BCL6: variants seen among roughly 807,000 people sequenced by gnomAD.
The protein encoded by BCL6 is BCL6 transcription repressor, also known as B-cell lymphoma 6 protein.
BCL6 carries 7 observed loss-of-function variants against 59.5 expected under a neutral mutation model. The ratio of observed to expected loss-of-function variants is 0.12; its 90% CI spans 0.07 to 0.22. The LOEUF is 0.22. Among genes scored for constraint, BCL6 ranks in the 10% least tolerant of loss-of-function variants. The pLI is 1.00. For missense variants in BCL6, 685 were observed against 939.4 expected (o/e 0.73, Z 3.54); for synonymous variants, 339 against 349.7 (o/e 0.97, Z 0.34).
At chr3:187,731,198 A>T (rs558054201) in intron 4 of BCL6, among the ~76,000 whole-genome samples, 2 of 152,338 alleles carry the variant, frequency 1.3e-5, no homozygotes, top group South Asian at 4.1e-4. Flanking sequence ...GCAGCGTGAC[A>T]TAAAAGGTGA....
chr3:187,727,017 C>T (rs1718740113), intron 6 of BCL6, 119 bp from the exon 7 acceptor site: 2 of 1,143,736 alleles, frequency 1.7e-6, no homozygotes, highest in African/African-American at 1.5e-5. Flanking sequence ...CCCTCACTCA[C>T]CCACCCGACA....
chr3:187,728,054 G>A (rs552940352), intron 6 of BCL6, among the ~76,000 whole-genome samples: 3 of 152,294 alleles, frequency 2.0e-5, no homozygotes, highest in African/African-American at 7.2e-5. Context: ...ATAGAGGAAT[G>A]GAGAAAGCTC....
intron 1 of BCL6, among the ~76,000 whole-genome samples, 169 bp downstream of exon 1, chr3:187,745,241 T>C (rs193041319): frequency 4.0e-5 from 6 of 151,862 alleles, no homozygotes; most frequent in South Asian, 4.2e-4. Flanking sequence ...TTTATATCAA[T>C]AGATACACAT....
rs148794355 is a variant in BCL6, at chr3:187,725,107, T to C, written c.1840-29A>G. 7.4e-6 allele frequency: 12 copies of C among 1,612,966 alleles called. No individual in the cohort carries two copies. The African/African-American group carries it at 1.6e-4, about 22-fold the overall frequency. The stretch of plus-strand genomic sequence containing the variant: ...AACGAAGAAGAAGGCATGAGAGGTC[T>C]TCTGGGGTGGGCTGCAGGCCTCTGG... On this transcript the variant is annotated intron_variant, in intron 8 of 9. Coordinates refer to ENST00000406870, the MANE Select transcript of BCL6 (RefSeq NM_001706.5). The surrounding 1 kb of genome is among the most constrained non-coding windows in gnomAD (Gnocchi z 4.7).
At chr3:187,743,816 C>T in intron 1 of BCL6, among the ~76,000 whole-genome samples, 1 of 151,808 alleles carries the variant, frequency 6.6e-6, no homozygotes, top group Admixed American at 6.6e-5. Flanking sequence ...GCCGCCGCCG[C>T]GCCTTCCCCC....
chr3:187,744,833 C>G (rs1423229696), intron 1 of BCL6, among the ~76,000 whole-genome samples: 1 of 152,006 alleles, frequency 6.6e-6, no homozygotes, highest in Admixed American at 6.5e-5. Context: ...AGTTTGCAAG[C>G]GAGAAAAGAG....
chr3:187,726,831 G>A lies in BCL6; in HGVS notation c.1608C>T (p.His536=). 5 of 1,614,246 alleles carry A rather than the reference G, an allele frequency of 3.1e-6. No individual in the cohort carries two copies. The highest frequency in any genetic ancestry group is 4.2e-6 in the Non-Finnish European group (5 of 1,180,046). Residue 536 remains histidine, a synonymous_variant, in exon 7 of 10, where the codon CAC becomes CAT. Transcript: ENST00000406870. ...RFSEEASLKR[H]TLQTHSDKPY... ...GTTTGTCACTGTGGGTCTGCAGCGT[G>A]TGCCTCTTGAGTGAGGCCTCCTCAG...
chr3:187,738,527 C>G (rs1294014265), intron 1 of BCL6, among the ~76,000 whole-genome samples: 2 of 152,210 alleles, frequency 1.3e-5, no homozygotes, highest in Admixed American at 6.5e-5. Context: ...CGGCAAAGGC[C>G]GGGGCCCCGA....
chr3:187,723,189 A>AT (rs1461500834), intron 9 of BCL6, among the ~76,000 whole-genome samples: 1 of 152,178 alleles, frequency 6.6e-6, no homozygotes, highest in African/African-American at 2.4e-5. Flanking sequence ...TCTAGGGTAA[A>AT]TTTTTTTAAA....
chr3:187,732,377 G>A, intron 3 of BCL6: 1 of 432,028 alleles, frequency 2.3e-6, no homozygotes. Context: ...TTAGAATTTG[G>A]CTATGAATGA....
chr3:187,745,294 A>G (rs1711896887), intron 1 of BCL6, 116 bp downstream of exon 1: 4 of 399,044 alleles, frequency 1.0e-5, no homozygotes, highest in African/African-American at 2.1e-5. Context: ...CGGAAAAAAA[A>G]AGAATTAAAA....
Position 187,731,777 on chromosome 3 carries a change from C to T in BCL6, c.315G>A (p.Val105=), listed in dbSNP as rs755756149. ...TCTGCAGGTACATAGCCGTGGCCATCACAGCCATGATGTTGCCCTCCCGCA... is the reference window on the plus strand; with the variant it reads ...TCTGCAGGTACATAGCCGTGGCCATTACAGCCATGATGTTGCCCTCCCGCA... ...LNLREGNIMA[V]MATAMYLQME... Residue 105 remains valine, a synonymous_variant, in exon 4 of 10, where the codon GTG becomes GTA. Coordinates refer to ENST00000406870, the MANE Select transcript of BCL6 (RefSeq NM_001706.5). The T allele has an allele frequency of 4.3e-6, 7 of 1,614,082 alleles. No homozygotes were observed. The highest frequency in any genetic ancestry group is 1.6e-4 in the Middle Eastern group (1 of 6,084).
chr3:187,737,338 C>T, intron 1 of BCL6: 1 of 98,934 alleles, frequency 1.0e-5, no homozygotes, highest in East Asian at 2.9e-4. Flanking sequence ...GAGAAGACAG[C>T]AGAAACGACA....
chr3:187,731,606 A>T, intron 4 of BCL6, 103 bp downstream of exon 4: 6 of 1,119,292 alleles, frequency 5.4e-6, no homozygotes, highest in Non-Finnish European at 6.5e-6. Flanking sequence ...GGGTTGCAGC[A>T]TATCATAGAG....
chr3:187,733,447 A>G lies in BCL6; in HGVS notation c.161+86T>C. ...AGCGAGACGTCATCCCAGATGCAGT[A>G]AAAGGCCCACATGTTCTGCCTTGCT... On this transcript the variant is annotated intron_variant, in intron 3 of 9. Coordinates refer to ENST00000406870, the MANE Select transcript of BCL6 (RefSeq NM_001706.5). 2.0e-6 allele frequency: 3 copies of G among 1,487,692 alleles called. No individual in the cohort carries two copies. The East Asian group carries it at 6.8e-5, about 34-fold the overall frequency. The allele number at this position is 1,487,692 out of a possible 1,614,324, so 92.2% of individuals were successfully genotyped here. A position where few individuals can be genotyped will look rare whatever the true frequency, so the allele number is the denominator to read the frequency against.
Position 187,725,232 on chromosome 3 carries a change from T to C in BCL6, c.1840-154A>G, listed in dbSNP as rs1410361968. Among the ~76,000 whole-genome samples, 2 of 151,972 alleles carry C rather than the reference T, an allele frequency of 1.3e-5. No individual in the cohort carries two copies. Among genetic ancestry groups the C allele is most frequent in the African/African-American group, 4.8e-5 (2 of 41,372 alleles). On this transcript the variant is annotated intron_variant, in intron 8 of 9. Coordinates refer to ENST00000406870, the MANE Select transcript of BCL6 (RefSeq NM_001706.5). This position sits in a 1 kb window ranked among gnomAD's most constrained non-coding sequence, Gnocchi z 4.7. ...GAGTGGGCCTTTCTGCTGCCCACTC[T>C]GCTCACCTGCCCACTCCTCTGCTCA...
intron 2 of BCL6, chr3:187,734,369 C>T (rs1421614854): frequency 6.5e-6 from 1 of 153,252 alleles, no homozygotes; most frequent in African/African-American, 2.4e-5. Context: ...GATTATCAGG[C>T]TAGACTTGCC....
chr3:187,743,178 T>A (rs2108481548), intron 1 of BCL6, among the ~76,000 whole-genome samples: 1 of 152,218 alleles, frequency 6.6e-6, no homozygotes, highest in East Asian at 1.9e-4. Context: ...TGCCCCACTT[T>A]TTTTAAAATC....
At chr3:187,735,612 G>A (rs1719248376) in intron 1 of BCL6, among the ~76,000 whole-genome samples, 1 of 152,192 alleles carries the variant, frequency 6.6e-6, no homozygotes, top group African/African-American at 2.4e-5. Flanking sequence ...GAATGCCATT[G>A]CTTCTAAGTT....
Sources: gnomAD v4.1 joint callset for allele counts (sites outside exome capture counted in the v4.1 genomes callset) on GRCh38, gnomAD v4.1.1 for gene constraint, Gnocchi (gnomAD v3.1) non-coding constraint, MANE v1.5 for transcripts, NCBI Gene and HGNC (gene_info 2026-07-23, HGNC 2026-07-21) for gene names.